TTN: variants seen among roughly 807,000 people sequenced by gnomAD.
TTN encodes the protein connectin.
Under a neutral mutation model 3,223.0 loss-of-function variants are expected in TTN, and 1,525 were observed. The observed-to-expected ratio is 0.47, with a 90% CI of 0.45 to 0.49. TTN has a LOEUF of 0.49. Ranked by LOEUF, TTN falls within the 20% of genes least tolerant of loss-of-function variation. The pLI is 0.00. For missense variants in TTN, 40,786 were observed against 43,424.0 expected (o/e 0.94, Z 5.40); for synonymous variants, 14,094 against 15,161.0 (o/e 0.93, Z 5.17).
At chr2:178,689,762 T>C (rs1560408775) in intron 122 of TTN, 51 bp downstream of exon 122, 5 of 1,540,306 alleles carry the variant, frequency 3.2e-6, no homozygotes, top group Non-Finnish European at 4.4e-6. Context: ...AAACACAACA[T>C]ATTTTGTATC....
intron 87 of TTN, 45 bp from the exon 88 acceptor site, chr2:178,717,427 C>G (rs1357151357): frequency 6.3e-6 from 10 of 1,578,670 alleles, no homozygotes; most frequent in Non-Finnish European, 8.6e-6. Context: ...TTTCCATGCT[C>G]TCACATACAG....
Position 178,532,604 on chromosome 2 carries a change from A to G in TTN, c.104011T>C (p.Leu34671=). The change falls in exon 358 of 363, where the codon TTA becomes CTA. Residue 34671 remains leucine, a synonymous_variant. Coordinates refer to ENST00000589042, the MANE Select transcript of TTN (RefSeq NM_001267550.2). ...TCTTCCTCTGTTCTTTTCATTGCTA[A>G]GTAGTCATCAATGGGGAGGAGTAAT... ...EELLLPIDDY[L]AMKRTEEERL... 1 of 1,613,942 alleles carries G rather than the reference A, an allele frequency of 6.2e-7. No homozygotes were observed. The highest frequency in any genetic ancestry group is 1.1e-5 in the South Asian group (1 of 91,082).
rs1000321939 is a variant in TTN at position 178,775,834 on chromosome 2, A to G, written c.6030T>C (p.Tyr2010=). 4 of 1,613,920 alleles carry G rather than the reference A, an allele frequency of 2.5e-6. No homozygotes were observed. The highest frequency in any genetic ancestry group is 3.3e-5 in the Admixed American group (2 of 59,982). Residue 2010 remains tyrosine, a synonymous_variant, in exon 28 of 363, where the codon TAT becomes TAC. Coordinates refer to ENST00000589042, the MANE Select transcript of TTN (RefSeq NM_001267550.2). ...KFKRRTEEGY[Y]EAITAVELKS... ...TGAGCTCCACAGCGGTAATGGCTTC[A>G]TAATAGCCCTCTTCTGTTCTGCGCT... is the stretch of plus-strand genomic sequence containing the variant.
chr2:178,748,076 G>C (rs747141631), intron 47 of TTN: 1 of 1,612,976 alleles, frequency 6.2e-7, no homozygotes, highest in Non-Finnish European at 8.5e-7. Context: ...AACCCCTAAA[G>C]GCTTTTCCTC....
rs145957227 is a variant in TTN, at chr2:178,777,263, A to G, written c.4700T>C (p.Ile1567Thr). 6 of 1,613,930 alleles carry G rather than the reference A, an allele frequency of 3.7e-6. No individual in the cohort carries two copies. The highest frequency in any genetic ancestry group is 5.1e-6 in the Non-Finnish European group (6 of 1,179,960). ...MFVEKLKNVNIKEGSRLEMKV... is the reference protein window; with the variant it reads ...MFVEKLKNVNTKEGSRLEMKV... ...CATTTCAAGTCGGGAACCTTCCTTT[A>G]TATTGACATTTTTCAGTTTTTCTAC... Residue 1567 changes from isoleucine (I) to threonine (T), a missense_variant, in exon 27 of 363, where the codon ATA (isoleucine) becomes ACA (threonine). Transcript: ENST00000589042.
chr2:178,705,951 A>G lies in TTN; in HGVS notation c.29420+503T>C, dbSNP rs528882353. On this transcript the variant is annotated intron_variant, in intron 102 of 362. Coordinates refer to ENST00000589042, the MANE Select transcript of TTN (RefSeq NM_001267550.2). The stretch of plus-strand genomic sequence containing the variant: ...TCTTTTTGTTTAAAAATCTTAATAG[A>G]CATTCACCTCATTCTTAAAACTTTC... 1.2e-4 allele frequency among the ~76,000 whole-genome samples: 19 copies of G among 152,296 alleles called. No individual in the cohort carries two copies. The East Asian group carries it at 3.5e-3, about 28-fold the overall frequency.
chr2:178,700,717 C>T (rs2074805249), intron 111 of TTN, among the ~76,000 whole-genome samples: 1 of 152,096 alleles, frequency 6.6e-6, no homozygotes, highest in Non-Finnish European at 1.5e-5. Flanking sequence ...GTAGTTAATA[C>T]TATAAATTGA....
chr2:178,713,046 C>G (rs1022265537), intron 93 of TTN, 39 bp downstream of exon 93: 2 of 1,605,648 alleles, frequency 1.2e-6, no homozygotes, highest in African/African-American at 1.3e-5. Flanking sequence ...GCTTAATAAA[C>G]TATGAAATGC....
intron 289 of TTN, 50 bp downstream of exon 289, chr2:178,599,504 A>G: frequency 2.0e-6 from 3 of 1,518,484 alleles, no homozygotes; most frequent in Non-Finnish European, 2.6e-6. Context: ...GCCAAATGTT[A>G]TTTATGAACA....
At position 178,733,726 on chromosome 2, in the gene TTN, AC is replaced by A; in HGVS notation, c.15662del (p.Gly5221ValfsTer5). On this transcript the variant is annotated frameshift_variant, in exon 53 of 363. Coordinates refer to ENST00000589042, the MANE Select transcript of TTN (RefSeq NM_001267550.2). LOFTEE classifies it high-confidence loss of function. ...DGKIKMSFSNGVAVLIIPDVQ... is the reference protein window; with the variant it reads ...DGKIKMSFSNXVAVLIIPDVQ... ...CATCAGGGATTATCAAGACTGCAACACCATTGGAAAAGCTCATTTTGATTTT... is the reference window on the plus strand; with the variant it reads ...CATCAGGGATTATCAAGACTGCAACACATTGGAAAAGCTCATTTTGATTTT... The A allele has an allele frequency of 6.2e-7, 1 of 1,613,844 alleles. No homozygotes were observed. Among genetic ancestry groups the A allele is most frequent in the Non-Finnish European group, 8.5e-7 (1 of 1,179,778 alleles).
In TTN at chr2:178,551,758, C is replaced by T; in HGVS notation, c.91142G>A (p.Gly30381Glu). 1 of 1,613,838 alleles carries T rather than the reference C, an allele frequency of 6.2e-7. No homozygotes were observed. Among genetic ancestry groups the T allele is most frequent in the South Asian group, 1.1e-5 (1 of 91,084 alleles). ...CAGTCCAGTGGCTCTATATTCTCTT[C>T]CAGAGATTGGTGATGTATTAACTTT... ...WQKVNTSPISGREYRATGLVE... is the reference protein window; with the variant it reads ...WQKVNTSPISEREYRATGLVE... Residue 30381 changes from glycine to glutamate, a missense_variant, in exon 335 of 363, where the codon GGA (glycine) becomes GAA (glutamate). By Grantham distance (98) the Gly-to-Glu change is moderately conservative. Transcript: ENST00000589042.
rs1217080477 is a variant in TTN at position 178,553,646 on chromosome 2, T to C, written c.89359A>G (p.Lys29787Glu). ...EEEEWTTVSTKGEVRTTEYVV... is the reference protein window; with the variant it reads ...EEEEWTTVSTEGEVRTTEYVV... The stretch of plus-strand genomic sequence containing the variant: ...TATTCTGTAGTTCTGACCTCTCCTT[T>C]GGTAGAGACAGTAGTCCATTCCTCT... Residue 29787 changes from lysine to glutamate, a missense_variant, in exon 334 of 363, where the codon AAA (lysine) becomes GAA (glutamate). Transcript: ENST00000589042. The C allele has an allele frequency of 1.9e-6, 3 of 1,613,874 alleles. No individual in the cohort carries two copies. The Admixed American group carries it at 5.0e-5, about 27-fold the overall frequency.
In TTN at chr2:178,629,432, C is replaced by T; in HGVS notation, c.44293G>A (p.Gly14765Ser). ...AHLRVKPRVIGLLRPLKDVTV... is the reference protein window; with the variant it reads ...AHLRVKPRVISLLRPLKDVTV... ...ACATCCTTTAAAGGCCTCAGAAGACCAATTACTCGTGCTTTTCGAGAGGGA... is the reference window on the plus strand; with the variant it reads ...ACATCCTTTAAAGGCCTCAGAAGACTAATTACTCGTGCTTTTCGAGAGGGA... Residue 14765 changes from glycine (G) to serine (S), a missense_variant, in exon 240 of 363, where the codon GGT (glycine) becomes AGT (serine). Gly to Ser is a moderately conservative substitution (Grantham distance 56, BLOSUM62 0). Coordinates refer to ENST00000589042, the MANE Select transcript of TTN (RefSeq NM_001267550.2). 6.2e-7 allele frequency: 1 copy of T among 1,612,862 alleles called. No homozygotes were observed.
Position 178,733,437 on chromosome 2 carries a change from C to T in TTN, c.15856G>A (p.Gly5286Ser), listed in dbSNP as rs1409273228. 9 of 1,613,746 alleles carry T rather than the reference C, an allele frequency of 5.6e-6. No individual in the cohort carries two copies. Among genetic ancestry groups the T allele is most frequent in the Non-Finnish European group, 5.9e-6 (7 of 1,179,796 alleles). The change falls in exon 54 of 363, where the codon GGC becomes AGC. Residue 5286 changes from glycine to serine, a missense_variant. Gly to Ser is a moderately conservative substitution (Grantham distance 56, BLOSUM62 0). Coordinates refer to ENST00000589042, the MANE Select transcript of TTN (RefSeq NM_001267550.2). ...CATTTGGGCTTCAGTTCTGGCGTGC[C>T]TGCCACTGTGTACTCCAGTGTGGCG... ...DPATLEYTVA[G>S]TPELKPKWYK...
intron 46 of TTN, chr2:178,753,444 A>G (rs1288826033): frequency 6.1e-6 from 2 of 330,430 alleles, no homozygotes; most frequent in African/African-American, 4.3e-5. Flanking sequence ...ATGCCTTTAC[A>G]TGCATGCAGA....
Position 178,696,034 on chromosome 2 carries a change from T to C in TTN, c.31038A>G (p.Glu10346=). Residue 10346 remains glutamate (E), a synonymous_variant, in exon 114 of 363, where the codon GAA becomes GAG. Coordinates refer to ENST00000589042, the MANE Select transcript of TTN (RefSeq NM_001267550.2). ...PYYEEPDEDY[E]EIKVEAKKEV... The stretch of plus-strand genomic sequence containing the variant: ...CTTTTTTAGCTTCTACCTTAATCTC[T>C]TCATAGTCTTCATCTGGTTCTTCAT... The C allele has an allele frequency of 6.4e-7, 1 of 1,551,054 alleles. No individual in the cohort carries two copies. The highest frequency in any genetic ancestry group is 8.7e-7 in the Non-Finnish European group (1 of 1,146,614).
rs1411169716 is a variant in TTN at position 178,531,013 on chromosome 2, A to T, written c.105602T>A (p.Val35201Glu). ...TTTCCCTTCACTGTTTTCTACCACC[A>T]CGCTGTAATTGCCCTCATCGGAAGC... ...VQASDEGNYS[V>E]VVENSEGKQE... is the part of the protein sequence containing the mutation. Residue 35201 changes from valine (V) to glutamate (E), a missense_variant, in exon 358 of 363, where the codon GTG becomes GAG. Val to Glu is a moderately radical substitution (Grantham distance 121, BLOSUM62 -2). Coordinates refer to ENST00000589042, the MANE Select transcript of TTN (RefSeq NM_001267550.2). 2 of 1,613,656 alleles carry T rather than the reference A, an allele frequency of 1.2e-6. No individual in the cohort carries two copies. The highest frequency in any genetic ancestry group is 1.7e-6 in the Non-Finnish European group (2 of 1,179,836).
In TTN at chr2:178,558,640, A is replaced by G. The variant is rs1702395807; in HGVS notation, c.86822-3T>C. 1 of 1,609,408 alleles carries G rather than the reference A, an allele frequency of 6.2e-7. No individual in the cohort carries two copies. Among genetic ancestry groups the G allele is most frequent in the Non-Finnish European group, 8.5e-7 (1 of 1,179,152 alleles). ...TTTTTCAGGTGGGCTTGGTTTTTCTAAGAAAACAAAGCATCAAAAGAAAGT... is the reference window on the plus strand; with the variant it reads ...TTTTTCAGGTGGGCTTGGTTTTTCTGAGAAAACAAAGCATCAAAAGAAAGT... On this transcript the variant is annotated splice_polypyrimidine_tract_variant and splice_region_variant and intron_variant, in intron 326 of 362. Transcript: ENST00000589042.
In TTN at chr2:178,547,087, G is replaced by C; in HGVS notation, c.94438C>G (p.Gln31480Glu). 1 of 1,613,822 alleles carries C rather than the reference G, an allele frequency of 6.2e-7. No individual in the cohort carries two copies. The highest frequency in any genetic ancestry group is 8.5e-7 in the Non-Finnish European group (1 of 1,179,760). Residue 31480 changes from glutamine (Q) to glutamate (E), a missense_variant, in exon 340 of 363, where the codon CAG becomes GAG. Gln to Glu is a conservative substitution (Grantham distance 29). Coordinates refer to ENST00000589042, the MANE Select transcript of TTN (RefSeq NM_001267550.2). ...VTGLVEGLEY[Q>E]FRTYALNAAG... ...GCATTGAGTGCATAAGTTCTGAACT[G>C]ATATTCCAGTCCTTCTACTAAACCA... is the stretch of plus-strand genomic sequence containing the variant.
Sources: allele counts gnomAD v4.1 joint callset (sites outside exome capture counted in the v4.1 genomes callset), GRCh38; gene constraint gnomAD v4.1.1; transcripts MANE v1.5; gene names NCBI Gene and HGNC (gene_info 2026-07-23, HGNC 2026-07-21).